AGBL4: variants seen among roughly 807,000 people sequenced by gnomAD.
The protein encoded by AGBL4 is AGBL carboxypeptidase 4, also known as cytosolic carboxypeptidase 6.
AGBL4 carries 58 observed loss-of-function variants against 66.4 expected under a neutral mutation model. The ratio of observed to expected loss-of-function variants is 0.87; its 90% CI spans 0.71 to 1.09. AGBL4 has a LOEUF of 1.09. AGBL4 is among the 50% of genes least tolerant of loss of function. The probability of loss-of-function intolerance (pLI) is 0.00; values close to 1 mark genes in which losing one functional copy is unlikely to be tolerated. For synonymous variants in AGBL4, 234 were observed against 222.9 expected (o/e 1.05, Z -0.44); for missense variants, 579 against 631.0 (o/e 0.92, Z 0.88).
intron 3 of AGBL4, 86 bp downstream of exon 3, chr1:49,697,227 A>T (rs1261843506): frequency 1.5e-6 from 2 of 1,374,282 alleles, no homozygotes; most frequent in East Asian, 5.2e-5. Context: ...TTCTTAATAT[A>T]GTCATTATTT....
chr1:49,491,372 T>G (rs1374735226), intron 3 of AGBL4, among the ~76,000 whole-genome samples: 1 of 151,434 alleles, frequency 6.6e-6, no homozygotes, highest in African/African-American at 2.4e-5. Context: ...AAAGGGAGAG[T>G]ACTAGGGAGA....
chr1:48,911,413 C>T (rs1034888302), intron 5 of AGBL4, among the ~76,000 whole-genome samples: 8 of 151,722 alleles, frequency 5.3e-5, no homozygotes, highest in East Asian at 1.9e-4. Context: ...GTCAGGAGAT[C>T]GAGACCATCC....
chr1:49,674,946 G>A (rs1317076099), intron 3 of AGBL4, among the ~76,000 whole-genome samples: 6 of 152,152 alleles, frequency 3.9e-5, no homozygotes, highest in African/African-American at 1.2e-4. Flanking sequence ...TGACATTTGA[G>A]TGATAGCTAC....
intron 3 of AGBL4, among the ~76,000 whole-genome samples, chr1:49,424,547 G>A (rs1570683109): frequency 6.6e-6 from 1 of 152,278 alleles, no homozygotes; most frequent in East Asian, 1.9e-4. Flanking sequence ...TTGAAATTAA[G>A]GGTACTTATT....
intron 5 of AGBL4, among the ~76,000 whole-genome samples, chr1:48,883,132 A>G (rs1570915523): frequency 6.6e-6 from 1 of 152,240 alleles, no homozygotes; most frequent in East Asian, 1.9e-4. Context: ...GTATACACCC[A>G]GAAATGGAAT....
intron 3 of AGBL4, among the ~76,000 whole-genome samples, chr1:49,679,556 C>A (rs1365316946): frequency 6.6e-6 from 1 of 152,062 alleles, no homozygotes; most frequent in Non-Finnish European, 1.5e-5. Flanking sequence ...AGGCCACTTA[C>A]ATTTAATGGA....
chr1:50,008,332 G>A (rs945831188), intron 1 of AGBL4, among the ~76,000 whole-genome samples: 3 of 152,052 alleles, frequency 2.0e-5, no homozygotes, highest in Non-Finnish European at 4.4e-5. Flanking sequence ...TCTGAACACA[G>A]GGAATAAAAC....
intron 2 of AGBL4, among the ~76,000 whole-genome samples, chr1:49,838,368 A>T (rs904366164): frequency 1.3e-5 from 2 of 152,210 alleles, no homozygotes; most frequent in African/African-American, 2.4e-5. Flanking sequence ...TGCCCTACAG[A>T]CACCTGCAAG....
intron 3 of AGBL4, among the ~76,000 whole-genome samples, chr1:49,569,421 A>G (rs747186154): frequency 6.6e-5 from 10 of 152,128 alleles, no homozygotes; most frequent in Admixed American, 2.0e-4. Flanking sequence ...TGGATACCCT[A>G]TTCTCTATGA....
chr1:49,248,119 C>A (rs1356433961), intron 3 of AGBL4, among the ~76,000 whole-genome samples: 2 of 152,076 alleles, frequency 1.3e-5, no homozygotes, highest in Non-Finnish European at 2.9e-5. Flanking sequence ...CGCAGGAAAC[C>A]CTGAATTTCC....
chr1:48,626,478 C>T (rs901685800), intron 9 of AGBL4, among the ~76,000 whole-genome samples: 2 of 152,218 alleles, frequency 1.3e-5, no homozygotes, highest in Admixed American at 6.5e-5. Context: ...TCTCTGGCAG[C>T]AGCCAGGACT....
intron 4 of AGBL4, among the ~76,000 whole-genome samples, chr1:49,130,716 G>T (rs1645873832): frequency 6.6e-6 from 1 of 151,980 alleles, no homozygotes; most frequent in African/African-American, 2.4e-5. Context: ...GGTTACTGTA[G>T]CCTTGTAGTA....
intron 4 of AGBL4, among the ~76,000 whole-genome samples, chr1:49,147,708 A>C (rs552170646): frequency 2.6e-5 from 4 of 152,324 alleles, no homozygotes; most frequent in East Asian, 1.9e-4. Flanking sequence ...AAAGAAGCCT[A>C]ATTATAGCCC....
At chr1:49,538,133 A>C (rs1651746973) in intron 3 of AGBL4, among the ~76,000 whole-genome samples, 1 of 152,232 alleles carries the variant, frequency 6.6e-6, no homozygotes, top group East Asian at 1.9e-4. Context: ...TAAGTCAAAA[A>C]GATATCTTCT....
At chr1:49,276,778 C>G (rs1390447851) in intron 3 of AGBL4, among the ~76,000 whole-genome samples, 2 of 152,172 alleles carry the variant, frequency 1.3e-5, no homozygotes, top group African/African-American at 2.4e-5. Context: ...GCACTGAGCC[C>G]CCATTCTTCC....
intron 4 of AGBL4, among the ~76,000 whole-genome samples, chr1:49,217,806 G>A (rs1649202922): frequency 6.6e-6 from 1 of 152,182 alleles, no homozygotes; most frequent in African/African-American, 2.4e-5. Context: ...TATGACTTTT[G>A]TCCTGTTATT....
chr1:49,033,532 C>G (rs1185590234), intron 5 of AGBL4, among the ~76,000 whole-genome samples: 1 of 152,002 alleles, frequency 6.6e-6, no homozygotes, highest in Non-Finnish European at 1.5e-5. Context: ...CTGTGCTGGC[C>G]CTCTCCACCC....
chr1:49,112,195 ATAGTTG>A (rs2148022991), intron 4 of AGBL4, among the ~76,000 whole-genome samples: 1 of 152,358 alleles, frequency 6.6e-6, no homozygotes, highest in African/African-American at 2.4e-5. Context: ...TCAGTAGCTA[ATAGTTG>A]TAATTGGTTA....
At chr1:48,938,976 C>T (rs1206873251) in intron 5 of AGBL4, among the ~76,000 whole-genome samples, 1 of 152,212 alleles carries the variant, frequency 6.6e-6, no homozygotes, top group Non-Finnish European at 1.5e-5. Flanking sequence ...GGAGGAGCGA[C>T]TAGTATCATC....
Sources: allele counts gnomAD v4.1 joint callset (sites outside exome capture counted in the v4.1 genomes callset), GRCh38; gene constraint gnomAD v4.1.1; transcripts MANE v1.5; gene names NCBI Gene and HGNC (gene_info 2026-07-23, HGNC 2026-07-21).